Variants in PAXIP1 observed in about 807,000 individuals in gnomAD.
PAXIP1 encodes PAX interacting protein 1, also known as PAX-interacting protein 1.
A neutral mutation model predicts 140.6 loss-of-function variants in PAXIP1; 19 were observed. The ratio of observed to expected loss-of-function variants is 0.14; its 90% CI spans 0.09 to 0.20. The LOEUF is 0.20. Among genes scored for constraint, PAXIP1 ranks in the 10% least tolerant of loss-of-function variants. The pLI, the probability that PAXIP1 is intolerant of heterozygous loss-of-function variation, is 1.00. For synonymous variants in PAXIP1, 442 were observed against 444.6 expected, an observed-to-expected ratio of 0.99 and a Z score of 0.07; for missense variants, 920 against 1,208.6, an observed-to-expected ratio of 0.76 and a Z score of 3.54.
rs532665365 is a variant in PAXIP1, at chr7:154,960,019, T to C, written c.2435-86A>G. Reference sequence around the variant, plus strand: ...TTATAAAAGTCTTCCCTGATAATCCTCACCAGACAGGTGGTTTAGCTGACA... The same window carrying C: ...TTATAAAAGTCTTCCCTGATAATCCCCACCAGACAGGTGGTTTAGCTGACA... On this transcript the variant is annotated intron_variant, in intron 12 of 20. Coordinates refer to ENST00000404141, the MANE Select transcript of PAXIP1 (RefSeq NM_007349.4). 209 of 834,104 alleles carry C rather than the reference T, an allele frequency of 2.5e-4. 1 individual carries two copies. The South Asian group carries it at 2.8e-3, about 11-fold the overall frequency. 51.7% of individuals were successfully genotyped at this position (834,104 alleles called of 1,614,324 possible). A position where few individuals can be genotyped will look rare whatever the true frequency, so the allele number is the denominator to read the frequency against.
rs1321151436 is a variant in PAXIP1, at chr7:154,946,308, G to A, written c.3194+57C>T. 3 of 1,612,302 alleles carry A rather than the reference G, an allele frequency of 1.9e-6. No homozygotes were observed. The highest frequency in any genetic ancestry group is 2.2e-5 in the East Asian group (1 of 44,868). ...GGAAAGGTACTGCCTTATTAACCTG[G>A]GAAATCCATTTCATATCTAACCCGT... On this transcript the variant is annotated intron_variant, in intron 20 of 20. Transcript: ENST00000404141. This position sits in a 1 kb window ranked among gnomAD's most constrained non-coding sequence, Gnocchi z 4.9.
At chr7:154,998,602 G>A (rs1323317030) in intron 2 of PAXIP1, 48 bp downstream of exon 2, 1 of 1,505,884 alleles carries the variant, frequency 6.6e-7, no homozygotes, top group Non-Finnish European at 9.2e-7. Flanking sequence ...TGTACTGCTT[G>A]CAAGATACTG....
At position 154,955,419 on chromosome 7, in the gene PAXIP1, CTG is replaced by C. The variant is rs1808459168; in HGVS notation, c.2652+108_2652+109del. On this transcript the variant is annotated intron_variant, in intron 15 of 20. Coordinates refer to ENST00000404141, the MANE Select transcript of PAXIP1 (RefSeq NM_007349.4). ...ACTTCATAAATATGCACCATAAAGA[CTG>C]TTATAACTATCTAAACTATGTAAGT... The C allele has an allele frequency of 1.8e-5, 12 of 672,330 alleles. No homozygotes were observed. In the South Asian group the frequency reaches 2.1e-4, roughly 12 times the overall value. 41.6% of individuals were successfully genotyped at this position (672,330 alleles called of 1,614,324 possible).
chr7:154,984,156 G>A (rs1020622541), intron 4 of PAXIP1, among the ~76,000 whole-genome samples: 2 of 152,120 alleles, frequency 1.3e-5, no homozygotes, highest in Non-Finnish European at 2.9e-5. Flanking sequence ...ACCCAGGTCT[G>A]TCTACACCCA....
In PAXIP1 at chr7:154,962,479, G is replaced by T. The variant is rs201024766; in HGVS notation, c.1990-21C>A. On this transcript the variant is annotated intron_variant, in intron 9 of 20. Coordinates refer to ENST00000404141, the MANE Select transcript of PAXIP1 (RefSeq NM_007349.4). ...ATTGCCTGTCAAACATAAAATTATA[G>T]GTTTGTTGTTTTTGTTTTTCTGCTG... is the stretch of plus-strand genomic sequence containing the variant. 7 of 1,597,290 alleles carry T rather than the reference G, an allele frequency of 4.4e-6. No individual in the cohort carries two copies. The South Asian group carries it at 7.8e-5, about 18-fold the overall frequency.
intron 2 of PAXIP1, among the ~76,000 whole-genome samples, chr7:154,994,300 A>G (rs1245412107): frequency 6.6e-6 from 1 of 152,236 alleles, no homozygotes; most frequent in African/African-American, 2.4e-5. Flanking sequence ...GGTAATTTAT[A>G]TTTTTGAAAA....
chr7:154,959,794 T>C (rs1450792790), intron 13 of PAXIP1, 96 bp downstream of exon 13: 10 of 816,934 alleles, frequency 1.2e-5, no homozygotes, highest in Non-Finnish European at 2.1e-5. Context: ...TGTTGACAAG[T>C]TACTAAAATA....
At chr7:155,000,197 T>A (rs994571336) in intron 1 of PAXIP1, 2 of 152,142 alleles carry the variant, frequency 1.3e-5, no homozygotes, top group Non-Finnish European at 2.9e-5. Context: ...GACAACCTTT[T>A]CAGAATACTT....
At chr7:154,945,845 T>C (rs1267532208) in intron 20 of PAXIP1, 3 of 984,990 alleles carry the variant, frequency 3.0e-6, no homozygotes, top group African/African-American at 1.7e-5. Context: ...TTTTCCTGAA[T>C]GTCTGAAATA....
rs553918098 is a variant in PAXIP1, at chr7:154,990,323, G to A, written c.324+683C>T. ...CCCAAAGTGCTGGGATTATAGGCAT[G>A]AGCCACCATGCCCGGCCGACTTGGG... On this transcript the variant is annotated intron_variant, in intron 4 of 20. Coordinates refer to ENST00000404141, the MANE Select transcript of PAXIP1 (RefSeq NM_007349.4). Among the ~76,000 whole-genome samples the A allele has an allele frequency of 4.6e-5, 7 of 152,132 alleles. No homozygotes were observed. The East Asian group carries it at 1.2e-3, about 25-fold the overall frequency.
rs181653947 is a variant in PAXIP1, at chr7:154,973,854, C to T, written c.1074+1842G>A. On this transcript the variant is annotated intron_variant, in intron 6 of 20. Coordinates refer to ENST00000404141, the MANE Select transcript of PAXIP1 (RefSeq NM_007349.4). The surrounding 1 kb of genome is among the most constrained non-coding windows in gnomAD (Gnocchi z 4.0). ...CAGGTTGTTCCTATATGCTACAGAG[C>T]CATTTTTCTGGGACTTTGAGCTGTC... 1.1e-4 allele frequency among the ~76,000 whole-genome samples: 17 copies of T among 152,310 alleles called. No homozygotes were observed. The East Asian group carries it at 3.1e-3, about 28-fold the overall frequency.
chr7:154,974,990 C>CAA (rs59174178), intron 6 of PAXIP1, among the ~76,000 whole-genome samples: 36,147 of 121,932 alleles, frequency 0.3, 5,222 homozygotes, highest in East Asian at 0.38. Context: ...ACTAAAAATA[C>CAA]AAAAAAAAAA....
chr7:154,978,987 T>TAGGTAAAC (rs1392614688), intron 5 of PAXIP1, among the ~76,000 whole-genome samples: 1 of 152,172 alleles, frequency 6.6e-6, no homozygotes, highest in East Asian at 1.9e-4. Context: ...GTAAAACACT[T>TAGGTAAAC]AGGTAAACAG....
intron 6 of PAXIP1, chr7:154,974,249 T>A (rs1199283594): frequency 6.6e-6 from 1 of 152,240 alleles, no homozygotes; most frequent in Non-Finnish European, 1.5e-5. Context: ...TTTTTTTCTG[T>A]CTCAAACTCC....
At chr7:155,000,072 T>A (rs1191427644) in intron 1 of PAXIP1, 3 of 151,970 alleles carry the variant, frequency 2.0e-5, no homozygotes, top group Admixed American at 2.0e-4. Context: ...AAAGCTCAAG[T>A]GACCCACCAG....
At chr7:154,998,843 A>G in intron 1 of PAXIP1, 59 bp from the exon 2 acceptor site, 1 of 1,420,712 alleles carries the variant, frequency 7.0e-7, no homozygotes, top group Non-Finnish European at 9.7e-7. Context: ...GTACTCTTGA[A>G]TTACAGAAAT....
intron 1 of PAXIP1, 89 bp downstream of exon 1, chr7:155,002,760 C>T: frequency 1.4e-6 from 1 of 720,788 alleles, no homozygotes; most frequent in Non-Finnish European, 1.9e-6. Flanking sequence ...CCGGCGCGCG[C>T]CCGCGGCAGG....
At chr7:155,001,087 T>C (rs974516849) in intron 1 of PAXIP1, 3 of 152,242 alleles carry the variant, frequency 2.0e-5, no homozygotes, top group Non-Finnish European at 2.9e-5. Flanking sequence ...ATGGTCAACA[T>C]GTGAACTTAT....
At chr7:154,971,898 T>A (rs569431220) in intron 6 of PAXIP1, among the ~76,000 whole-genome samples, 2 of 152,360 alleles carry the variant, frequency 1.3e-5, no homozygotes, top group South Asian at 4.1e-4. Flanking sequence ...AAGTAAAACG[T>A]CCTTATGTTC....
Sources: gnomAD v4.1 joint callset for allele counts (sites outside exome capture counted in the v4.1 genomes callset) on GRCh38, gnomAD v4.1.1 for gene constraint, Gnocchi (gnomAD v3.1) non-coding constraint, MANE v1.5 for transcripts, NCBI Gene and HGNC (gene_info 2026-07-23, HGNC 2026-07-21) for gene names.